Variants in DDB1 observed in about 807,000 individuals in gnomAD.
The protein encoded by DDB1 is DNA damage-binding protein 1.
In DDB1, 18 loss-of-function variants were observed where a neutral mutation model predicts 133.1. That is an observed-to-expected ratio of 0.14 (90% confidence interval 0.09 to 0.20). The LOEUF (loss-of-function observed/expected upper bound fraction) is 0.20, where lower values mean the gene tolerates loss of function less well. DDB1 is among the 10% of genes least tolerant of loss of function. The pLI is 1.00. For synonymous variants in DDB1, 580 were observed against 550.5 expected, an observed-to-expected ratio of 1.05 and a Z score of -0.75; for missense variants, 828 against 1,459.2, an observed-to-expected ratio of 0.57 and a Z score of 7.05.
At chr11:61,310,542 G>T (rs926030044) in intron 18 of DDB1, 124 bp from the exon 19 acceptor site, 1 of 1,144,104 alleles carries the variant, frequency 8.7e-7, no homozygotes, top group Non-Finnish European at 1.2e-6. Context: ...CTGATGGCTG[G>T]CAGCTCAAGG....
At chr11:61,317,163 G>A (rs1856101332) in intron 10 of DDB1, among the ~76,000 whole-genome samples, 1 of 151,810 alleles carries the variant, frequency 6.6e-6, no homozygotes, top group Non-Finnish European at 1.5e-5. Context: ...CACCAGGCTG[G>A]AGTGCAGTGG....
rs1184502372 is a variant in DDB1, at chr11:61,329,381, A to T, written c.531T>A (p.Thr177=). Residue 177 remains threonine (T), a synonymous_variant, in exon 4 of 27, where the codon ACT becomes ACA. Transcript: ENST00000301764. ...VKFLYGCQAP[T]ICFVYQDPQG... ...CCAGTACCTGGTAGACAAAGCAAATAGTAGGTGCTTGGCAACCATATAGGA... is the reference window on the plus strand; with the variant it reads ...CCAGTACCTGGTAGACAAAGCAAATTGTAGGTGCTTGGCAACCATATAGGA... The T allele has an allele frequency of 6.2e-7, 1 of 1,614,070 alleles. No homozygotes were observed. The highest frequency in any genetic ancestry group is 8.5e-7 in the Non-Finnish European group (1 of 1,180,034).
rs1855943681 is a variant in DDB1 at position 61,310,317 on chromosome 11, G to A, written c.2379C>T (p.Ile793=). Residue 793 remains isoleucine (I), a synonymous_variant, in exon 19 of 27, where the codon ATC becomes ATT. Coordinates refer to ENST00000301764, the MANE Select transcript of DDB1 (RefSeq NM_001923.5). ...CACCTTCAAAGGTGTGTTGGTCAAT[G>A]ATAAGTAGGTTGTGCACCTCCACCT... ...GEEVEVHNLL[I]IDQHTFEVLH... 6.2e-7 allele frequency: 1 copy of A among 1,611,742 alleles called. No individual in the cohort carries two copies. The highest frequency in any genetic ancestry group is 8.5e-7 in the Non-Finnish European group (1 of 1,179,562).
At chr11:61,326,694 A>G (rs955099628) in intron 5 of DDB1, 85 bp downstream of exon 5, 10 of 1,046,792 alleles carry the variant, frequency 9.6e-6, no homozygotes, top group Non-Finnish European at 1.5e-5. Context: ...GCCAAAACGA[A>G]GGGCAGAGAA....
At position 61,300,088 on chromosome 11, in the gene DDB1, A is replaced by G. The variant is rs1474134429; in HGVS notation, c.*48T>C. The G allele has an allele frequency of 6.3e-7, 1 of 1,591,506 alleles. No individual in the cohort carries two copies. Among genetic ancestry groups the G allele is most frequent in the East Asian group, 2.2e-5 (1 of 44,776 alleles). ...TGGTGGAGAGGAGGGGGAGGGCAGC[A>G]GGGCAAAGCCTTTGGGGAGGGTCAG... is the stretch of plus-strand genomic sequence containing the variant. On this transcript the variant is annotated 3_prime_UTR_variant, in exon 27 of 27. Coordinates refer to ENST00000301764, the MANE Select transcript of DDB1 (RefSeq NM_001923.5).
rs954501705 is a variant in DDB1, at chr11:61,312,506, C to CTTT, written c.2070-425_2070-423dup. The stretch of plus-strand genomic sequence containing the variant: ...TCTTTTCTTTCCTCTCTCTCTCTCT[C>CTTT]TTTTTTTTTTTTTTTTTTTTGAGAC... On this transcript the variant is annotated intron_variant, in intron 16 of 26. Transcript: ENST00000301764. Among the ~76,000 whole-genome samples, 73 of 120,024 alleles carry CTTT rather than the reference C, an allele frequency of 6.1e-4. 1 individual carries two copies. The highest frequency in any genetic ancestry group is 6.7e-4 in the Non-Finnish European group (40 of 59,580). 78.7% of individuals were successfully genotyped at this position (120,024 alleles called of 152,430 possible).
rs887177284 is a variant in DDB1, at chr11:61,300,817, T to C, written c.3331A>G (p.Asn1111Asp). Reference sequence around the variant, plus strand: ...AACACCACACAGCTCACCTGTAGGTTTGCCACCACCTCCTGCATCTTGGGG... The same window carrying C: ...AACACCACACAGCTCACCTGTAGGTCTGCCACCACCTCCTGCATCTTGGGG... ...SRPKMQEVVA[N>D]LQYDDGSGMK... The change falls in exon 26 of 27, where the codon AAC (asparagine) becomes GAC (aspartate). Residue 1111 changes from asparagine (N) to aspartate (D), a missense_variant. Asn to Asp is a conservative substitution (Grantham distance 23). Around this residue, in one of 7 missense-constraint regions of DDB1, gnomAD observed 116 missense variants for 221.6 expected, o/e 0.52. Transcript: ENST00000301764. 3.1e-6 allele frequency: 5 copies of C among 1,614,060 alleles called. No homozygotes were observed. The highest frequency in any genetic ancestry group is 3.3e-5 in the Admixed American group (2 of 60,014).
At position 61,300,214 on chromosome 11, in the gene DDB1, G is replaced by T. The variant is rs138674997; in HGVS notation, c.3345C>A (p.Asp1115Glu). 1 of 1,613,874 alleles carries T rather than the reference G, an allele frequency of 6.2e-7. No homozygotes were observed. Among genetic ancestry groups the T allele is most frequent in the East Asian group, 2.2e-5 (1 of 44,876 alleles). ...CCTCTCGCTTCATACCGCTGCCATC[G>T]TCATACTGCAATGAGAAGATGGGCG... ...MQEVVANLQY[D>E]DGSGMKREAT... is the part of the protein sequence containing the mutation. The change falls in exon 27 of 27, where the codon GAC (aspartate) becomes GAA (glutamate). Residue 1115 changes from aspartate (D) to glutamate (E), a missense_variant. Asp to Glu is a conservative substitution (Grantham distance 45). This residue lies in a region of DDB1 where 116 missense variants were observed against 221.6 expected (regional missense o/e 0.52). Coordinates refer to ENST00000301764, the MANE Select transcript of DDB1 (RefSeq NM_001923.5).
At chr11:61,318,680 T>C (rs1856128579) in intron 10 of DDB1, among the ~76,000 whole-genome samples, 1 of 152,216 alleles carries the variant, frequency 6.6e-6, no homozygotes, top group African/African-American at 2.4e-5. Context: ...CCTAATAGTG[T>C]TTTGTTTTGC....
chr11:61,325,850 A>G (rs751346381), intron 5 of DDB1, 142 bp from the exon 6 acceptor site: 53 of 719,396 alleles, frequency 7.4e-5, no homozygotes, highest in Admixed American at 2.0e-5. Context: ...CCCAGGGAAC[A>G]TGATAGCCTT....
In DDB1 at chr11:61,331,567, C is replaced by A. The variant is rs577832464; in HGVS notation, c.186G>T (p.Ala62=). The A allele has an allele frequency of 6.2e-7, 1 of 1,614,170 alleles. No individual in the cohort carries two copies. The highest frequency in any genetic ancestry group is 8.5e-7 in the Non-Finnish European group (1 of 1,180,020). The change falls in exon 2 of 27, where the codon GCG becomes GCT. Residue 62 remains alanine (A), a synonymous_variant. Coordinates refer to ENST00000301764, the MANE Select transcript of DDB1 (RefSeq NM_001923.5). ...VKEVGMYGKI[A]VMELFRPKGE... ...CCTTGGGCCTGAAAAGCTCCATGAC[C>A]GCAATCTTCCCATACATGCCCACCT... is the stretch of plus-strand genomic sequence containing the variant.
In DDB1 at chr11:61,316,958, T is replaced by G. The variant is rs1182624621; in HGVS notation, c.1226-391A>C. ...AAAAAAAAGGATAGATATATATATA[T>G]ATATATATATATATATATATATATA... On this transcript the variant is annotated intron_variant, in intron 10 of 26. Coordinates refer to ENST00000301764, the MANE Select transcript of DDB1 (RefSeq NM_001923.5). Among the ~76,000 whole-genome samples the G allele has an allele frequency of 2.9e-3, 49 of 17,084 alleles. 2 individuals are homozygous for G. The highest frequency in any genetic ancestry group is 5.9e-3 in the Non-Finnish European group (37 of 6,302). 11.2% of individuals were successfully genotyped at this position (17,084 alleles called of 152,430 possible). A position where few individuals can be genotyped will look rare whatever the true frequency, so the allele number is the denominator to read the frequency against.
intron 5 of DDB1, among the ~76,000 whole-genome samples, chr11:61,326,458 A>G (rs1424482005): frequency 1.3e-5 from 2 of 152,006 alleles, no homozygotes; most frequent in Admixed American, 1.3e-4. Context: ...TCAGTTTTAA[A>G]TGTTATGCCC....
chr11:61,315,227 C>T (rs955871644), intron 12 of DDB1: 1 of 152,124 alleles, frequency 6.6e-6, no homozygotes, highest in Non-Finnish European at 1.5e-5. Context: ...TTTAAAGTTC[C>T]TTAGTAAAGA....
At chr11:61,329,868 T>G in intron 3 of DDB1, 90 bp downstream of exon 3, 2 of 1,124,936 alleles carry the variant, frequency 1.8e-6, no homozygotes, top group Non-Finnish European at 2.6e-6. Flanking sequence ...TCTGATCGAA[T>G]AGAGAGCTGC....
At chr11:61,329,865 G>A (rs937448506) in intron 3 of DDB1, 93 bp downstream of exon 3, 13 of 1,098,298 alleles carry the variant, frequency 1.2e-5, no homozygotes, top group Admixed American at 2.1e-5. Context: ...TTCTCTGATC[G>A]AATAGAGAGC....
Position 61,302,416 on chromosome 11 carries a change from C to T in DDB1, c.3113-57G>A, listed in dbSNP as rs923999325. ...AGAGCTCAACCCCACAGCATGTATC[C>T]TCTACGTAAAGGGCAGCCCAGGTGA... On this transcript the variant is annotated intron_variant, in intron 24 of 26. Transcript: ENST00000301764. The T allele has an allele frequency of 5.0e-5, 80 of 1,596,606 alleles. No homozygotes were observed. In the Admixed American group the frequency reaches 1.3e-3, roughly 27 times the overall value.
At chr11:61,310,063 T>C in intron 19 of DDB1, 103 bp from the exon 20 acceptor site, 1 of 1,478,038 alleles carries the variant, frequency 6.8e-7, no homozygotes, top group Non-Finnish European at 9.4e-7. Flanking sequence ...TGACAAAGCG[T>C]GTACCACCTG....
intron 21 of DDB1, among the ~76,000 whole-genome samples, chr11:61,304,510 T>C (rs896401499): frequency 2.0e-5 from 3 of 151,088 alleles, no homozygotes; most frequent in Admixed American, 6.6e-5. Flanking sequence ...AACAGAAACA[T>C]TGACAAATAA....
Sources: allele counts gnomAD v4.1 joint callset (sites outside exome capture counted in the v4.1 genomes callset), GRCh38; gene constraint gnomAD v4.1.1; regional missense constraint gnomAD v4.1.1; transcripts MANE v1.5; gene names NCBI Gene and HGNC (gene_info 2026-07-23, HGNC 2026-07-21).